The following SPIDR variants were observed in gnomAD, a reference collection of about 807,000 sequenced individuals.
SPIDR encodes the protein DNA repair-scaffolding protein.
SPIDR carries 93 observed loss-of-function variants against 104.6 expected under a neutral mutation model. The ratio of observed to expected loss-of-function variants is 0.89; its 90% confidence interval spans 0.75 to 1.06. The LOEUF is 1.06. Ranked by LOEUF, SPIDR falls within the 50% of genes least tolerant of loss-of-function variation. SPIDR has a pLI of 0.00. For missense variants in SPIDR, 1,154 were observed against 1,111.2 expected (o/e 1.04, Z -0.55); for synonymous variants, 431 against 416.9 (o/e 1.03, Z -0.41).
chr8:47,535,585 A>G (rs907520984), intron 8 of SPIDR, among the ~76,000 whole-genome samples: 1 of 152,190 alleles, frequency 6.6e-6, no homozygotes, highest in African/African-American at 2.4e-5. Context: ...TCAAAAAACA[A>G]TTAATGTAAT....
chr8:47,463,532 G>A (rs1180956457), intron 8 of SPIDR, among the ~76,000 whole-genome samples: 5 of 151,856 alleles, frequency 3.3e-5, no homozygotes, highest in African/African-American at 1.2e-4. Context: ...CCTGAGGCTA[G>A]CATTACCCTG....
chr8:47,647,651 A>AGAGAGAGAGG (rs1563416092), intron 10 of SPIDR, among the ~76,000 whole-genome samples: 1 of 121,976 alleles, frequency 8.2e-6, no homozygotes, highest in Non-Finnish European at 1.8e-5. Flanking sequence ...AGAGAGAGAG[A>AGAGAGAGAGG]GAGGGAGAGA....
chr8:47,429,371 C>CGTGT (rs1293757045), intron 7 of SPIDR, among the ~76,000 whole-genome samples: 2 of 152,152 alleles, frequency 1.3e-5, no homozygotes, highest in Admixed American at 6.5e-5. Context: ...CCCCCACCTC[C>CGTGT]GTGTGCACAG....
chr8:47,459,181 TTCTC>T (rs1211003924), intron 8 of SPIDR, among the ~76,000 whole-genome samples: 10 of 152,172 alleles, frequency 6.6e-5, no homozygotes, highest in African/African-American at 2.2e-4. Context: ...GATTGCCTCT[TTCTC>T]TATCTTGTGT....
chr8:47,400,474 G>A (rs1554661741), intron 6 of SPIDR, among the ~76,000 whole-genome samples: 2 of 152,136 alleles, frequency 1.3e-5, no homozygotes, highest in African/African-American at 4.8e-5. Flanking sequence ...GACTAGAAAG[G>A]CCTGTGACTG....
At chr8:47,668,917 C>A (rs1023544583) in intron 10 of SPIDR, among the ~76,000 whole-genome samples, 3 of 152,068 alleles carry the variant, frequency 2.0e-5, no homozygotes, top group Admixed American at 2.0e-4. Flanking sequence ...GAGAAACTTA[C>A]AAAATTTTAT....
intron 16 of SPIDR, among the ~76,000 whole-genome samples, chr8:47,725,536 C>T (rs779913576): frequency 2.6e-5 from 4 of 152,094 alleles, no homozygotes; most frequent in Non-Finnish European, 5.9e-5. Flanking sequence ...GGACTACAGG[C>T]GCGTGCCACC....
chr8:47,336,025 T>C (rs1235072100), intron 5 of SPIDR, among the ~76,000 whole-genome samples: 1 of 152,118 alleles, frequency 6.6e-6, no homozygotes, highest in Non-Finnish European at 1.5e-5. Flanking sequence ...TCTCAGTCAT[T>C]GTTGTTTCAA....
At chr8:47,320,827 A>G (rs1267396486) in intron 5 of SPIDR, among the ~76,000 whole-genome samples, 1 of 152,174 alleles carries the variant, frequency 6.6e-6, no homozygotes, top group Non-Finnish European at 1.5e-5. Context: ...CATCATATAA[A>G]CAGAACCAAC....
intron 5 of SPIDR, among the ~76,000 whole-genome samples, chr8:47,362,158 G>A (rs2056128747): frequency 6.6e-6 from 1 of 152,206 alleles, no homozygotes; most frequent in South Asian, 2.1e-4. Flanking sequence ...CTCATTTGAG[G>A]TCAGCTCAGT....
intron 8 of SPIDR, among the ~76,000 whole-genome samples, chr8:47,487,322 G>A (rs1369249675): frequency 2.6e-5 from 4 of 152,152 alleles, no homozygotes; most frequent in African/African-American, 9.7e-5. Flanking sequence ...AAATATATAT[G>A]CACCCAGTAC....
chr8:47,698,526 A>G (rs2079672135), intron 11 of SPIDR, among the ~76,000 whole-genome samples: 1 of 152,230 alleles, frequency 6.6e-6, no homozygotes, highest in African/African-American at 2.4e-5. Flanking sequence ...TAAGCATTTT[A>G]TTTAACTCAT....
intron 5 of SPIDR, among the ~76,000 whole-genome samples, chr8:47,390,214 T>C (rs1554650875): frequency 6.6e-6 from 1 of 152,164 alleles, no homozygotes; most frequent in African/African-American, 2.4e-5. Context: ...CATCTCCCAG[T>C]TGCCAGTGTA....
intron 11 of SPIDR, among the ~76,000 whole-genome samples, chr8:47,688,870 T>C (rs540007056): frequency 6.6e-6 from 1 of 152,372 alleles, no homozygotes; most frequent in African/African-American, 2.4e-5. Flanking sequence ...ATCTTTTTTC[T>C]GGCCTGCATT....
At chr8:47,344,723 T>C (rs1278467326) in intron 5 of SPIDR, among the ~76,000 whole-genome samples, 3 of 152,254 alleles carry the variant, frequency 2.0e-5, no homozygotes, top group African/African-American at 7.2e-5. Context: ...TGGCCAGTGA[T>C]GATGAGCATT....
intron 10 of SPIDR, among the ~76,000 whole-genome samples, chr8:47,656,705 CAG>C (rs1036740198): frequency 5.9e-5 from 9 of 152,188 alleles, no homozygotes; most frequent in African/African-American, 2.2e-4. Flanking sequence ...GTAACTTCTA[CAG>C]AGTCACTCCA....
chr8:47,366,220 A>T (rs2057185200), intron 5 of SPIDR, among the ~76,000 whole-genome samples: 1 of 152,050 alleles, frequency 6.6e-6, no homozygotes, highest in African/African-American at 2.4e-5. Context: ...GTGGGGTCAG[A>T]AGGTGAGGCG....
At chr8:47,595,005 AAAAAG>A (rs2061489903) in intron 8 of SPIDR, among the ~76,000 whole-genome samples, 1 of 152,058 alleles carries the variant, frequency 6.6e-6, no homozygotes, top group African/African-American at 2.4e-5. Flanking sequence ...TCAAAAAAAG[AAAAAG>A]AAAAGAAAAA....
intron 5 of SPIDR, among the ~76,000 whole-genome samples, chr8:47,394,859 A>G (rs1272918996): frequency 6.6e-6 from 1 of 152,180 alleles, no homozygotes; most frequent in Non-Finnish European, 1.5e-5. Flanking sequence ...CCCAATGGTT[A>G]CTAATGGGTT....
Sources: gnomAD v4.1 joint callset for allele counts (sites outside exome capture counted in the v4.1 genomes callset) on GRCh38, gnomAD v4.1.1 for gene constraint, MANE v1.5 for transcripts, NCBI Gene and HGNC (gene_info 2026-07-23, HGNC 2026-07-21) for gene names.